The following TUT7 variants were observed in gnomAD, a reference collection of about 807,000 sequenced individuals.
TUT7 encodes the protein terminal uridylyl transferase 7.
Under a neutral mutation model 165.9 loss-of-function variants are expected in TUT7, and 33 were observed. The observed-to-expected ratio is 0.20, with a 90% CI of 0.15 to 0.27. The LOEUF (loss-of-function observed/expected upper bound fraction) is 0.27. Ranked by LOEUF, TUT7 falls within the 10% of genes least tolerant of loss-of-function variation. TUT7 has a pLI of 1.00. For synonymous variants in TUT7, 552 were observed against 608.1 expected, an observed-to-expected ratio of 0.91 and a Z score of 1.36; for missense variants, 1,338 against 1,762.3, an observed-to-expected ratio of 0.76 and a Z score of 4.31.
chr9:86,343,728 A>C (rs1456034388), intron 5 of TUT7, among the ~76,000 whole-genome samples: 1 of 152,214 alleles, frequency 6.6e-6, no homozygotes, highest in Admixed American at 6.5e-5. Context: ...ACAAAATCCC[A>C]ATAAACTTTT....
chr9:86,336,257 C>T (rs1196548284), intron 10 of TUT7, among the ~76,000 whole-genome samples: 3 of 152,162 alleles, frequency 2.0e-5, no homozygotes, highest in Non-Finnish European at 4.4e-5. Flanking sequence ...GACTTTCACA[C>T]ATTCCTACTT....
At chr9:86,314,521 C>T (rs1334846830) in intron 17 of TUT7, among the ~76,000 whole-genome samples, 1 of 152,172 alleles carries the variant, frequency 6.6e-6, no homozygotes, top group Non-Finnish European at 1.5e-5. Context: ...GTGTTCTCTG[C>T]AAACATTCCT....
chr9:86,306,317 G>A lies in TUT7; in HGVS notation c.3839-1078C>T, dbSNP rs375525363. Among the ~76,000 whole-genome samples the A allele has an allele frequency of 4.6e-5, 7 of 152,284 alleles. 1 individual carries two copies. The highest frequency in any genetic ancestry group is 3.3e-4 in the Admixed American group (5 of 15,302). The stretch of plus-strand genomic sequence containing the variant: ...AACGGTAACTGAGGTGTACCATATT[G>A]AGATTGAGACTATCAGTTTATCGAA... On this transcript the variant is annotated intron_variant, in intron 22 of 26. Coordinates refer to ENST00000375963, the MANE Select transcript of TUT7 (RefSeq NM_024617.4).
chr9:86,293,993 G>A (rs1230324266), intron 26 of TUT7, among the ~76,000 whole-genome samples: 4 of 152,160 alleles, frequency 2.6e-5, no homozygotes, highest in South Asian at 2.1e-4. Context: ...TGATCCACCC[G>A]CCTCGGTGTC....
chr9:86,310,781 T>G lies in TUT7; in HGVS notation c.3303A>C (p.Thr1101=). The G allele has an allele frequency of 1.2e-6, 2 of 1,612,242 alleles. No homozygotes were observed. Among genetic ancestry groups the G allele is most frequent in the South Asian group, 1.1e-5 (1 of 91,042 alleles). The change falls in exon 18 of 27, where the codon ACA becomes ACC. Residue 1101 remains threonine (T), a synonymous_variant. Coordinates refer to ENST00000375963, the MANE Select transcript of TUT7 (RefSeq NM_024617.4). ...SGLRNILPIT[T]AKVPIVKFFH... ...AGAACTTCACAATTGGCACCTTTGC[T>G]GTTGTAATAGGTAAGATGTTTCTCA... is the stretch of plus-strand genomic sequence containing the variant.
rs1372867717 is a variant in TUT7, at chr9:86,298,716, G to A, written c.4420+2560C>T. 6.8e-6 allele frequency: 6 copies of A among 880,360 alleles called. No individual in the cohort carries two copies. In the African/African-American group the frequency reaches 7.2e-5, roughly 11 times the overall value. 54.5% of individuals were successfully genotyped at this position (880,360 alleles called of 1,614,324 possible). A position where few individuals can be genotyped will look rare whatever the true frequency, so the allele number is the denominator to read the frequency against. Reference sequence around the variant, plus strand: ...AAAGTCTCAAAAGGCATGTGGTAAAGTATGCAGTAAATAAAATAACACACA... The same window carrying A: ...AAAGTCTCAAAAGGCATGTGGTAAAATATGCAGTAAATAAAATAACACACA... On this transcript the variant is annotated intron_variant, in intron 26 of 26. Transcript: ENST00000375963.
Position 86,322,455 on chromosome 9 carries a change from G to A in TUT7, c.2898C>T (p.Ser966=), listed in dbSNP as rs746879446. ...TKGKSPTVVC[S]LCKREGHLKK... ...TTAGATGACCCTCTCGTTTGCATAAGCTGCACACTACCGTAGGAGACTGCA... is the reference window on the plus strand; with the variant it reads ...TTAGATGACCCTCTCGTTTGCATAAACTGCACACTACCGTAGGAGACTGCA... The change falls in exon 14 of 27, where the codon AGC becomes AGT. Residue 966 remains serine, a synonymous_variant. Transcript: ENST00000375963. The A allele has an allele frequency of 6.2e-7, 1 of 1,613,778 alleles. No individual in the cohort carries two copies. Among genetic ancestry groups the A allele is most frequent in the Non-Finnish European group, 8.5e-7 (1 of 1,179,894 alleles).
At chr9:86,309,364 G>A in intron 20 of TUT7, 75 bp from the exon 21 acceptor site, 2 of 1,419,134 alleles carry the variant, frequency 1.4e-6, no homozygotes, top group Non-Finnish European at 1.9e-6. Flanking sequence ...AGGAAAATAG[G>A]TAAAAAATTA....
chr9:86,288,414 A>G lies in TUT7; in HGVS notation c.*263T>C, dbSNP rs1825679819. The G allele has an allele frequency of 3.9e-6, 1 of 254,436 alleles. No homozygotes were observed. Among genetic ancestry groups the G allele is most frequent in the South Asian group, 1.3e-4 (1 of 7,700 alleles). 15.8% of individuals were successfully genotyped at this position (254,436 alleles called of 1,614,324 possible). ...TCACTGAATACCGGTCCATAGTTAT[A>G]TTTTTTCTTTTAACGTGGCTTAAAT... On this transcript the variant is annotated 3_prime_UTR_variant, in exon 27 of 27. Coordinates refer to ENST00000375963, the MANE Select transcript of TUT7 (RefSeq NM_024617.4).
At position 86,322,952 on chromosome 9, in the gene TUT7, A is replaced by G; in HGVS notation, c.2798T>C (p.Val933Ala). Residue 933 changes from valine to alanine, a missense_variant, in exon 13 of 27, where the codon GTA becomes GCA. By Grantham distance (64) the Val-to-Ala change is moderately conservative (BLOSUM62 0). Coordinates refer to ENST00000375963, the MANE Select transcript of TUT7 (RefSeq NM_024617.4). ...CACAGGTGAATTTTTTTCTTCACAT[A>G]CATTTTCTTCCTTGAGACTTATTTT... ...LNKISLKEEN[V>A]CEEKNSPVDQ... The G allele has an allele frequency of 1.2e-6, 2 of 1,613,102 alleles. No homozygotes were observed. Among genetic ancestry groups the G allele is most frequent in the Non-Finnish European group, 1.7e-6 (2 of 1,179,744 alleles).
chr9:86,347,707 G>C (rs1227091061), intron 2 of TUT7, among the ~76,000 whole-genome samples: 1 of 152,126 alleles, frequency 6.6e-6, no homozygotes, highest in Non-Finnish European at 1.5e-5. Flanking sequence ...TGGAAAAGTA[G>C]TTTTAAAAAA....
chr9:86,353,335 G>A (rs1430389951), intron 1 of TUT7, 105 bp from the exon 2 acceptor site: 2 of 869,016 alleles, frequency 2.3e-6, no homozygotes, highest in African/African-American at 1.7e-5. Flanking sequence ...CTGTAAGAAA[G>A]AAACTCCCTA....
rs762660700 is a variant in TUT7, at chr9:86,308,420, T to C, written c.3838+9A>G. 3 of 1,608,018 alleles carry C rather than the reference T, an allele frequency of 1.9e-6. No homozygotes were observed. The highest frequency in any genetic ancestry group is 1.7e-5 in the Admixed American group (1 of 58,972). ...GTCTATTCGACTTCAAGTTTAATTTTATTCGTACCTTCAATAACAATGTAT... is the reference window on the plus strand; with the variant it reads ...GTCTATTCGACTTCAAGTTTAATTTCATTCGTACCTTCAATAACAATGTAT... On this transcript the variant is annotated intron_variant, in intron 22 of 26. Transcript: ENST00000375963.
intron 11 of TUT7, among the ~76,000 whole-genome samples, chr9:86,326,701 C>T (rs1482669446): frequency 1.3e-5 from 2 of 152,116 alleles, no homozygotes; most frequent in Non-Finnish European, 2.9e-5. Context: ...GGAACTGAAG[C>T]CCCACGAGTG....
At chr9:86,312,163 C>T (rs1485060356) in intron 17 of TUT7, among the ~76,000 whole-genome samples, 4 of 151,434 alleles carry the variant, frequency 2.6e-5, no homozygotes, top group African/African-American at 9.7e-5. Context: ...ACCATCCCAT[C>T]TAGGAAGTGA....
In TUT7 at chr9:86,340,112, A is replaced by C. The variant is rs749964648; in HGVS notation, c.1139-7T>G. On this transcript the variant is annotated splice_polypyrimidine_tract_variant and splice_region_variant and intron_variant, in intron 7 of 26. Coordinates refer to ENST00000375963, the MANE Select transcript of TUT7 (RefSeq NM_024617.4). ...TCAACATCAATAAAGGAGTCTGAGG[A>C]AAGAAGAAGAAAAATATTAAGTTGG... is the stretch of plus-strand genomic sequence containing the variant. 6.2e-7 allele frequency: 1 copy of C among 1,610,994 alleles called. No homozygotes were observed. The highest frequency in any genetic ancestry group is 1.1e-5 in the South Asian group (1 of 90,856).
chr9:86,304,706 A>AG (rs1344948464), intron 24 of TUT7, 150 bp downstream of exon 24: 26 of 507,068 alleles, frequency 5.1e-5, no homozygotes, highest in Non-Finnish European at 6.9e-5. Context: ...TTTAAGAAAA[A>AG]GGGGGGCTCT....
At chr9:86,321,728 C>T (rs1322179640) in intron 14 of TUT7, among the ~76,000 whole-genome samples, 1 of 152,066 alleles carries the variant, frequency 6.6e-6, no homozygotes, top group Non-Finnish European at 1.5e-5. Flanking sequence ...GACCCTGTCT[C>T]ACCATCACCC....
intron 26 of TUT7, among the ~76,000 whole-genome samples, chr9:86,297,490 GT>G (rs1201967855): frequency 7.2e-5 from 11 of 151,998 alleles, no homozygotes; most frequent in African/African-American, 1.7e-4. Context: ...GCAAGAATTA[GT>G]TTTTTTTCCC....
Sources: allele counts gnomAD v4.1 joint callset (sites outside exome capture counted in the v4.1 genomes callset), GRCh38; gene constraint gnomAD v4.1.1; transcripts MANE v1.5; gene names NCBI Gene and HGNC (gene_info 2026-07-23, HGNC 2026-07-21).